FAM43A: variants seen among roughly 807,000 people sequenced by gnomAD.
FAM43A encodes the protein protein FAM43A.
Under a neutral mutation model 15.7 loss-of-function variants are expected in FAM43A, and 11 were observed. That is an observed-to-expected ratio of 0.70 (90% CI 0.44 to 1.16). The LOEUF (loss-of-function observed/expected upper bound fraction) is 1.16. Ranked by LOEUF, FAM43A falls within the 50% of genes most tolerant of loss-of-function variation. FAM43A has a pLI of 0.00. For missense variants in FAM43A, 573 were observed against 620.0 expected (o/e 0.92, Z 0.80); for synonymous variants, 319 against 291.7 (o/e 1.09, Z -0.96).
chr3:194,688,428 C>A lies in FAM43A; in HGVS notation c.*330C>A. On this transcript the variant is annotated 3_prime_UTR_variant, in exon 1 of 1. Coordinates refer to ENST00000329759, the MANE Select transcript of FAM43A (RefSeq NM_153690.5). The stretch of plus-strand genomic sequence containing the variant: ...CTAGTCTCAGGCCGTAGGTGCCTGG[C>A]CAGTTTCCTGTTTGTGGGGCAGCTG... 3.9e-6 allele frequency: 1 copy of A among 259,608 alleles called. No homozygotes were observed. Among genetic ancestry groups the A allele is most frequent in the East Asian group, 7.1e-5 (1 of 14,132 alleles). 16.1% of individuals were successfully genotyped at this position (259,608 alleles called of 1,614,324 possible).
Position 194,687,818 on chromosome 3 carries a change from C to T in FAM43A, c.992C>T (p.Ser331Phe). Residue 331 changes from serine to phenylalanine, a missense_variant, in exon 1 of 1, where the codon TCC becomes TTC. Coordinates refer to ENST00000329759, the MANE Select transcript of FAM43A (RefSeq NM_153690.5). ...RGEALGGGGG[S>F]LGPGAGPPPL... is the part of the protein sequence containing the mutation. ...GAGGCGCTAGGAGGCGGCGGGGGCT[C>T]CCTGGGCCCGGGGGCCGGGCCGCCG... The T allele has an allele frequency of 1.4e-6, 2 of 1,449,564 alleles. No individual in the cohort carries two copies. The highest frequency in any genetic ancestry group is 1.8e-6 in the Non-Finnish European group (2 of 1,098,850). The allele number at this position is 1,449,564 out of a possible 1,614,324, so 89.8% of individuals were successfully genotyped here.
Position 194,687,303 on chromosome 3 carries a change from C to G in FAM43A, c.477C>G (p.His159Gln). 3 of 1,563,748 alleles carry G rather than the reference C, an allele frequency of 1.9e-6. No homozygotes were observed. Among genetic ancestry groups the G allele is most frequent in the Non-Finnish European group, 2.6e-6 (3 of 1,161,774 alleles). The change falls in exon 1 of 1, where the codon CAC (histidine) becomes CAG (glutamine). Residue 159 changes from histidine (H) to glutamine (Q), a missense_variant. Physicochemically the swap from His to Gln is conservative, Grantham distance 24. Coordinates refer to ENST00000329759, the MANE Select transcript of FAM43A (RefSeq NM_153690.5). ...LPKVFAWVYR[H>Q]ELKHKAVMLR... The stretch of plus-strand genomic sequence containing the variant: ...AGGTCTTCGCCTGGGTGTACCGGCA[C>G]GAGCTGAAGCACAAGGCCGTGATGC...
chr3:194,687,672 G>T lies in FAM43A; in HGVS notation c.846G>T (p.Glu282Asp). 6.4e-7 allele frequency: 1 copy of T among 1,562,720 alleles called. No individual in the cohort carries two copies. The highest frequency in any genetic ancestry group is 8.7e-7 in the Non-Finnish European group (1 of 1,153,436). Reference sequence around the variant, plus strand: ...AACCCGAGGGCTGCCCGGAGGAGGAGGAGAACCGTGCGGCAGAGGGAGATC... The same window carrying T: ...AACCCGAGGGCTGCCCGGAGGAGGATGAGAACCGTGCGGCAGAGGGAGATC... ...EEQPEGCPEEEENRAAEGDPA... is the reference protein window; with the variant it reads ...EEQPEGCPEEDENRAAEGDPA... Residue 282 changes from glutamate (E) to aspartate (D), a missense_variant, in exon 1 of 1, where the codon GAG becomes GAT. Physicochemically the swap from Glu to Asp is conservative, Grantham distance 45 (BLOSUM62 2). Transcript: ENST00000329759.
chr3:194,687,523 G>T lies in FAM43A; in HGVS notation c.697G>T (p.Gly233Ter), dbSNP rs780824565. The T allele has an allele frequency of 2.6e-6, 4 of 1,566,708 alleles. No individual in the cohort carries two copies. The highest frequency in any genetic ancestry group is 3.5e-6 in the Non-Finnish European group (4 of 1,155,544). Residue 233 changes from glycine (G) to a stop codon, truncating the protein, a stop_gained, in exon 1 of 1, where the codon GGA becomes TGA. Transcript: ENST00000329759. LOFTEE classifies it high-confidence loss of function. Reference sequence around the variant, plus strand: ...GCCGCTGCGCAAGCTGCTCCTACACGGACCCTGCTGCTATAAACCGCCGGT... The same window carrying T: ...GCCGCTGCGCAAGCTGCTCCTACACTGACCCTGCTGCTATAAACCGCCGGT... ...LVPLRKLLLH[G>*]PCCYKPPVER...
At position 194,687,496 on chromosome 3, in the gene FAM43A, G is replaced by T; in HGVS notation, c.670G>T (p.Val224Leu). The T allele has an allele frequency of 1.3e-6, 2 of 1,543,632 alleles. No homozygotes were observed. Among genetic ancestry groups the T allele is most frequent in the Non-Finnish European group, 8.8e-7 (1 of 1,142,102 alleles). Reference protein sequence around the residue: ...ELVGAHTIPLVPLRKLLLHGP... With the variant: ...ELVGAHTIPLLPLRKLLLHGP... ...GGTGGGCGCACACACCATCCCGCTAGTGCCGCTGCGCAAGCTGCTCCTACA... is the reference window on the plus strand; with the variant it reads ...GGTGGGCGCACACACCATCCCGCTATTGCCGCTGCGCAAGCTGCTCCTACA... Residue 224 changes from valine (V) to leucine (L), a missense_variant, in exon 1 of 1, where the codon GTG becomes TTG. By Grantham distance (32) the Val-to-Leu change is conservative. Coordinates refer to ENST00000329759, the MANE Select transcript of FAM43A (RefSeq NM_153690.5).
At position 194,688,042 on chromosome 3, in the gene FAM43A, G is replaced by C. The variant is rs986500156; in HGVS notation, c.1216G>C (p.Gly406Arg). The C allele has an allele frequency of 3.5e-6, 5 of 1,415,460 alleles. No individual in the cohort carries two copies. The highest frequency in any genetic ancestry group is 1.5e-5 in the African/African-American group (1 of 66,674). The allele number at this position is 1,415,460 out of a possible 1,614,324, so 87.7% of individuals were successfully genotyped here. Residue 406 changes from glycine to arginine, a missense_variant, in exon 1 of 1, where the codon GGG (glycine) becomes CGG (arginine). Physicochemically the swap from Gly to Arg is moderately radical, Grantham distance 125. Coordinates refer to ENST00000329759, the MANE Select transcript of FAM43A (RefSeq NM_153690.5). ...CCCTGACGCCACCTCCGCCACCGCCGGGGACTCGTCCCGCCAGGCCGACGG... is the reference window on the plus strand; with the variant it reads ...CCCTGACGCCACCTCCGCCACCGCCCGGGACTCGTCCCGCCAGGCCGACGG... Reference protein sequence around the residue: ...GGPDATSATAGDSSRQADGAS... With the variant: ...GGPDATSATARDSSRQADGAS...
At position 194,687,696 on chromosome 3, in the gene FAM43A, T is replaced by A. The variant is rs781592241; in HGVS notation, c.870T>A (p.Asp290Glu). 1 of 1,563,554 alleles carries A rather than the reference T, an allele frequency of 6.4e-7. No individual in the cohort carries two copies. The highest frequency in any genetic ancestry group is 2.4e-5 in the East Asian group (1 of 42,304). Reference protein sequence around the residue: ...EEEENRAAEGDPAEEEAEAQR... With the variant: ...EEEENRAAEGEPAEEEAEAQR... Reference sequence around the variant, plus strand: ...AGGAGAACCGTGCGGCAGAGGGAGATCCAGCAGAGGAGGAGGCCGAGGCGC... The same window carrying A: ...AGGAGAACCGTGCGGCAGAGGGAGAACCAGCAGAGGAGGAGGCCGAGGCGC... The change falls in exon 1 of 1, where the codon GAT becomes GAA. Residue 290 changes from aspartate (D) to glutamate (E), a missense_variant. Transcript: ENST00000329759.
chr3:194,686,998 C>A lies in FAM43A; in HGVS notation c.172C>A (p.Arg58Ser). 3 of 1,610,266 alleles carry A rather than the reference C, an allele frequency of 1.9e-6. No individual in the cohort carries two copies. Among genetic ancestry groups the A allele is most frequent in the Non-Finnish European group, 2.5e-6 (3 of 1,177,362 alleles). Residue 58 changes from arginine to serine, a missense_variant, in exon 1 of 1, where the codon CGC (arginine) becomes AGC (serine). Physicochemically the swap from Arg to Ser is moderately radical, Grantham distance 110. Transcript: ENST00000329759. The part of the protein sequence containing the change: ...SRVGSMFRSK[R>S]KKLHITSEDP... ...GGTGGGCAGCATGTTCCGCTCCAAG[C>A]GCAAGAAGCTGCACATCACTAGCGA...
rs1043299280 is a variant in FAM43A at position 194,688,416 on chromosome 3, G to A, written c.*318G>A. ...TGGCTGAAGTTCCTAGTCTCAGGCC[G>A]TAGGTGCCTGGCCAGTTTCCTGTTT... On this transcript the variant is annotated 3_prime_UTR_variant, in exon 1 of 1. Transcript: ENST00000329759. 2.2e-5 allele frequency: 6 copies of A among 276,926 alleles called. No individual in the cohort carries two copies. Among genetic ancestry groups the A allele is most frequent in the Non-Finnish European group, 4.3e-5 (6 of 139,996 alleles). The allele number at this position is 276,926 out of a possible 1,614,324, so 17.2% of individuals were successfully genotyped here. A position where few individuals can be genotyped will look rare whatever the true frequency, so the allele number is the denominator to read the frequency against.
rs569229979 is a variant in FAM43A, at chr3:194,688,978, A to T, written c.*880A>T. ...CATTTTGTTATTTTTTAAAAGTAGC[A>T]CTGTTCTGGTTCTGTTTGCACGCCA... On this transcript the variant is annotated 3_prime_UTR_variant, in exon 1 of 1. Coordinates refer to ENST00000329759, the MANE Select transcript of FAM43A (RefSeq NM_153690.5). 1 of 162,138 alleles carries T rather than the reference A, an allele frequency of 6.2e-6. No individual in the cohort carries two copies. Among genetic ancestry groups the T allele is most frequent in the African/African-American group, 2.4e-5 (1 of 41,454 alleles). 10.0% of individuals were successfully genotyped at this position (162,138 alleles called of 1,614,324 possible).
chr3:194,688,261 C>G lies in FAM43A; in HGVS notation c.*163C>G, dbSNP rs1012983351. 2 of 799,124 alleles carry G rather than the reference C, an allele frequency of 2.5e-6. No homozygotes were observed. The highest frequency in any genetic ancestry group is 6.8e-5 in the East Asian group (2 of 29,616). 49.5% of individuals were successfully genotyped at this position (799,124 alleles called of 1,614,324 possible). ...CGTTCCCCCGACCGCTTTCCCCTAC[C>G]TCCCGGCCCCCGCTCCCGCCCCAGC... On this transcript the variant is annotated 3_prime_UTR_variant, in exon 1 of 1. Transcript: ENST00000329759.
Position 194,686,856 on chromosome 3 carries a change from G to A in FAM43A, c.30G>A (p.Glu10=). The A allele has an allele frequency of 4.4e-6, 7 of 1,596,600 alleles. No homozygotes were observed. Among genetic ancestry groups the A allele is most frequent in the Non-Finnish European group, 6.0e-6 (7 of 1,175,800 alleles). MLPWKKHKF[E]LLAEAPPRQA... ...TGCCGTGGAAGAAGCACAAGTTCGA[G>A]CTGCTGGCCGAGGCGCCGCCGCGGC... is the stretch of plus-strand genomic sequence containing the variant. The change falls in exon 1 of 1, where the codon GAG becomes GAA. Residue 10 remains glutamate (E), a synonymous_variant. Coordinates refer to ENST00000329759, the MANE Select transcript of FAM43A (RefSeq NM_153690.5).
chr3:194,686,807 C>T lies in FAM43A; in HGVS notation c.-20C>T. 1 of 1,495,888 alleles carries T rather than the reference C, an allele frequency of 6.7e-7. No homozygotes were observed. The highest frequency in any genetic ancestry group is 8.8e-7 in the Non-Finnish European group (1 of 1,136,550). The allele number at this position is 1,495,888 out of a possible 1,614,324, so 92.7% of individuals were successfully genotyped here. A position where few individuals can be genotyped will look rare whatever the true frequency, so the allele number is the denominator to read the frequency against. On this transcript the variant is annotated 5_prime_UTR_variant, in exon 1 of 1. Transcript: ENST00000329759. Reference sequence around the variant, plus strand: ...CTCCGCCGCCGCCGCCGCCCAGCTGCGCCGGGGCGCCCTCCGGAGATGCTG... The same window carrying T: ...CTCCGCCGCCGCCGCCGCCCAGCTGTGCCGGGGCGCCCTCCGGAGATGCTG...
In FAM43A at chr3:194,687,372, G is replaced by A; in HGVS notation, c.546G>A (p.Gln182=). The A allele has an allele frequency of 1.3e-6, 2 of 1,539,814 alleles. No homozygotes were observed. Among genetic ancestry groups the A allele is most frequent in the Non-Finnish European group, 8.7e-7 (1 of 1,146,506 alleles). ...TGGTGTCCAAGCCCGAAAAGGCGCAGGCCATGGCCCTGCTGCTCTACCAGA... is the reference window on the plus strand; with the variant it reads ...TGGTGTCCAAGCCCGAAAAGGCGCAAGCCATGGCCCTGCTGCTCTACCAGA... The part of the protein sequence containing the change: ...AVLVSKPEKA[Q]AMALLLYQTS... The change falls in exon 1 of 1, where the codon CAG becomes CAA. Residue 182 remains glutamine (Q), a synonymous_variant. Transcript: ENST00000329759.
chr3:194,688,038 C>A lies in FAM43A; in HGVS notation c.1212C>A (p.Thr404=), dbSNP rs1222082293. Residue 404 remains threonine, a synonymous_variant, in exon 1 of 1, where the codon ACC becomes ACA. Transcript: ENST00000329759. The part of the protein sequence containing the change: ...EGGGPDATSA[T]AGDSSRQADG... Reference sequence around the variant, plus strand: ...GGGGCCCTGACGCCACCTCCGCCACCGCCGGGGACTCGTCCCGCCAGGCCG... The same window carrying A: ...GGGGCCCTGACGCCACCTCCGCCACAGCCGGGGACTCGTCCCGCCAGGCCG... 18 of 1,414,536 alleles carry A rather than the reference C, an allele frequency of 1.3e-5. No individual in the cohort carries two copies. Among genetic ancestry groups the A allele is most frequent in the Non-Finnish European group, 1.6e-5 (17 of 1,083,902 alleles). 87.6% of individuals were successfully genotyped at this position (1,414,536 alleles called of 1,614,324 possible).
Position 194,688,750 on chromosome 3 carries a change from C to A in FAM43A, c.*652C>A. On this transcript the variant is annotated 3_prime_UTR_variant, in exon 1 of 1. Transcript: ENST00000329759. The stretch of plus-strand genomic sequence containing the variant: ...TCCAATATCTTAAAAAGGAGTTTTC[C>A]TTTAGAAACACACACACCCTTCCTC... The A allele has an allele frequency of 6.0e-6, 1 of 166,986 alleles. No individual in the cohort carries two copies. The highest frequency in any genetic ancestry group is 1.5e-5 in the Non-Finnish European group (1 of 68,108). The allele number at this position is 166,986 out of a possible 1,614,324, so 10.3% of individuals were successfully genotyped here. A position where few individuals can be genotyped will look rare whatever the true frequency, so the allele number is the denominator to read the frequency against.
Position 194,686,451 on chromosome 3 carries a change from C to T in FAM43A, c.-376C>T, listed in dbSNP as rs541551673. ...TCTTTATTTGCACGCGCGCTTCTAG[C>T]TTTTTTCCTGACATTTTCCACTCTA... is the stretch of plus-strand genomic sequence containing the variant. On this transcript the variant is annotated 5_prime_UTR_variant, in exon 1 of 1. Coordinates refer to ENST00000329759, the MANE Select transcript of FAM43A (RefSeq NM_153690.5). 5.5e-6 allele frequency: 1 copy of T among 181,760 alleles called. No homozygotes were observed. The highest frequency in any genetic ancestry group is 2.3e-5 in the African/African-American group (1 of 42,704). The allele number at this position is 181,760 out of a possible 1,614,324, so 11.3% of individuals were successfully genotyped here. A position where few individuals can be genotyped will look rare whatever the true frequency, so the allele number is the denominator to read the frequency against.
In FAM43A at chr3:194,687,891, A is replaced by G. The variant is rs1265385380; in HGVS notation, c.1065A>G (p.Gln355=). The G allele has an allele frequency of 2.0e-6, 3 of 1,470,790 alleles. No homozygotes were observed. Among genetic ancestry groups the G allele is most frequent in the Non-Finnish European group, 2.7e-6 (3 of 1,111,438 alleles). 91.1% of individuals were successfully genotyped at this position (1,470,790 alleles called of 1,614,324 possible). ...CCGACATGAAGGCTGAGCTGTCGCAACTTATTAGCGACCTGGGCGAGCTCA... is the reference window on the plus strand; with the variant it reads ...CCGACATGAAGGCTGAGCTGTCGCAGCTTATTAGCGACCTGGGCGAGCTCA... ...SASDMKAELS[Q]LISDLGELSF... is the part of the protein sequence containing the mutation. Residue 355 remains glutamine, a synonymous_variant, in exon 1 of 1, where the codon CAA becomes CAG. Coordinates refer to ENST00000329759, the MANE Select transcript of FAM43A (RefSeq NM_153690.5).
chr3:194,688,244 C>A lies in FAM43A; in HGVS notation c.*146C>A. ...TTGGAGCCCAGGTCCAGCGTTCCCC[C>A]GACCGCTTTCCCCTACCTCCCGGCC... On this transcript the variant is annotated 3_prime_UTR_variant, in exon 1 of 1. Coordinates refer to ENST00000329759, the MANE Select transcript of FAM43A (RefSeq NM_153690.5). The A allele has an allele frequency of 1.0e-5, 10 of 979,080 alleles. No homozygotes were observed. The highest frequency in any genetic ancestry group is 1.3e-5 in the Non-Finnish European group (10 of 744,094). 60.6% of individuals were successfully genotyped at this position (979,080 alleles called of 1,614,324 possible).
Sources: gnomAD v4.1 joint callset for allele counts on GRCh38, gnomAD v4.1.1 for gene constraint, MANE v1.5 for transcripts, NCBI Gene and HGNC (gene_info 2026-07-23, HGNC 2026-07-21) for gene names.